Variants in IQGAP2 observed in about 807,000 individuals in gnomAD.
The protein encoded by IQGAP2 is ras GTPase-activating-like protein IQGAP2.
In IQGAP2, 173 loss-of-function variants were observed where a neutral mutation model predicts 201.3. The observed-to-expected ratio is 0.86, with a 90% CI of 0.76 to 0.98. The LOEUF (loss-of-function observed/expected upper bound fraction) is 0.98, where lower values mean the gene tolerates loss of function less well. IQGAP2 is among the 50% of genes least tolerant of loss of function. The pLI is 0.00. For missense variants in IQGAP2, 1,687 were observed against 1,864.8 expected, an observed-to-expected ratio of 0.90 and a Z score of 1.76; for synonymous variants, 675 against 673.9, an observed-to-expected ratio of 1.00 and a Z score of -0.03.
intron 2 of IQGAP2, among the ~76,000 whole-genome samples, chr5:76,555,417 G>A (rs1158791914): frequency 6.6e-6 from 1 of 152,124 alleles, no homozygotes; most frequent in South Asian, 2.1e-4. Flanking sequence ...AGTATTAAGC[G>A]ACCTGTTCCA....
chr5:76,503,798 G>A (rs1425898708), intron 2 of IQGAP2, among the ~76,000 whole-genome samples: 7 of 151,886 alleles, frequency 4.6e-5, no homozygotes, highest in African/African-American at 1.7e-4. Context: ...TCACCATGTT[G>A]GCCAGGCTAG....
intron 2 of IQGAP2, among the ~76,000 whole-genome samples, chr5:76,472,094 AC>A (rs768876654): frequency 6.6e-6 from 1 of 151,638 alleles, no homozygotes; most frequent in African/African-American, 2.4e-5. Context: ...GAGAGCAGGG[AC>A]CCCCTCGCAA....
At chr5:76,665,300 T>A in intron 22 of IQGAP2, 125 bp downstream of exon 22, 1 of 774,762 alleles carries the variant, frequency 1.3e-6, no homozygotes, top group Admixed American at 2.4e-5. Flanking sequence ...ATCTACTAAG[T>A]ACCAAGTGCT....
At chr5:76,572,536 C>A (rs143105858) in intron 4 of IQGAP2, among the ~76,000 whole-genome samples, 131 of 152,016 alleles carry the variant, frequency 8.6e-4, no homozygotes, top group African/African-American at 2.9e-3. Context: ...GTAGGATAAC[C>A]CCCCGAGTTA....
rs146002643 is a variant in IQGAP2 at position 76,595,593 on chromosome 5, T to C, written c.908-1846T>C. ...GGGCAACAAAGAGAGACTCAGTCTT[T>C]ACAAAAAAAATTTAAAAATTAGCCG... On this transcript the variant is annotated intron_variant, in intron 9 of 35. Transcript: ENST00000274364. Among the ~76,000 whole-genome samples the C allele has an allele frequency of 3.8e-3, 576 of 151,712 alleles. 7 individuals are homozygous for C. The highest frequency in any genetic ancestry group is 0.013 in the African/African-American group (539 of 41,338).
chr5:76,590,493 G>C lies in IQGAP2; in HGVS notation c.726G>C (p.Ala242=). Residue 242 remains alanine, a synonymous_variant, in exon 8 of 36, where the codon GCG becomes GCC. Transcript: ENST00000274364. ...TTGTAACACTAAGAAACCCAAATGC[G>C]GTTTTAACTTTAGTGGATGACAACC... ...QTVVTLRNPN[A]VLTLVDDNLA... 1 of 1,613,788 alleles carries C rather than the reference G, an allele frequency of 6.2e-7. No individual in the cohort carries two copies. Among genetic ancestry groups the C allele is most frequent in the Non-Finnish European group, 8.5e-7 (1 of 1,179,822 alleles).
At chr5:76,632,902 G>A (rs1750822880) in intron 15 of IQGAP2, among the ~76,000 whole-genome samples, 1 of 151,972 alleles carries the variant, frequency 6.6e-6, no homozygotes, top group Admixed American at 6.6e-5. Context: ...TTCCAACTTG[G>A]AGATTCCACC....
chr5:76,444,448 A>T (rs865888521), intron 1 of IQGAP2, among the ~76,000 whole-genome samples: 1 of 152,066 alleles, frequency 6.6e-6, no homozygotes, highest in Admixed American at 6.6e-5. Context: ...ACAGGTGCCC[A>T]CTACCACACC....
At chr5:76,609,516 G>A (rs771027412) in intron 12 of IQGAP2, among the ~76,000 whole-genome samples, 1 of 152,146 alleles carries the variant, frequency 6.6e-6, no homozygotes, top group Non-Finnish European at 1.5e-5. Context: ...TCTTAACGAA[G>A]TGGTGGTTAT....
At chr5:76,438,810 G>T (rs1752866694) in intron 1 of IQGAP2, among the ~76,000 whole-genome samples, 1 of 152,112 alleles carries the variant, frequency 6.6e-6, no homozygotes, top group African/African-American at 2.4e-5. Flanking sequence ...TTTAGCAAAT[G>T]ATTTATCAAT....
At chr5:76,533,138 A>G (rs1034881434) in intron 2 of IQGAP2, among the ~76,000 whole-genome samples, 1 of 152,104 alleles carries the variant, frequency 6.6e-6, no homozygotes, top group Non-Finnish European at 1.5e-5. Context: ...CCTAGTTCTT[A>G]GTTATCTCCT....
chr5:76,600,198 C>T (rs1353713867), intron 10 of IQGAP2, among the ~76,000 whole-genome samples: 1 of 152,128 alleles, frequency 6.6e-6, no homozygotes, highest in African/African-American at 2.4e-5. Flanking sequence ...ACAAAAAAAC[C>T]TGGAGAGCTT....
At chr5:76,439,401 T>C (rs1049510105) in intron 1 of IQGAP2, among the ~76,000 whole-genome samples, 2 of 152,208 alleles carry the variant, frequency 1.3e-5, no homozygotes, top group Non-Finnish European at 2.9e-5. Context: ...CTTTGTTGAC[T>C]TTCTGCTTTG....
At chr5:76,523,294 C>T (rs1758796831) in intron 2 of IQGAP2, among the ~76,000 whole-genome samples, 1 of 151,900 alleles carries the variant, frequency 6.6e-6, no homozygotes, top group Non-Finnish European at 1.5e-5. Flanking sequence ...TCTCTCTATG[C>T]TGCTGGGGCT....
At chr5:76,476,429 A>C (rs1236009691) in intron 2 of IQGAP2, among the ~76,000 whole-genome samples, 2 of 152,172 alleles carry the variant, frequency 1.3e-5, no homozygotes, top group Non-Finnish European at 2.9e-5. Flanking sequence ...AATTTGGCAA[A>C]CAACCACCCC....
At chr5:76,675,419 T>C (rs991330822) in intron 27 of IQGAP2, among the ~76,000 whole-genome samples, 2 of 152,244 alleles carry the variant, frequency 1.3e-5, no homozygotes, top group African/African-American at 4.8e-5. Context: ...ATTTTATATT[T>C]GTTGATGATT....
chr5:76,535,610 A>G (rs914576688), intron 2 of IQGAP2, among the ~76,000 whole-genome samples: 7 of 152,198 alleles, frequency 4.6e-5, no homozygotes, highest in African/African-American at 1.7e-4. Flanking sequence ...AAATGGCTTG[A>G]GTCAGTCCCT....
chr5:76,699,842 TCTCA>T (rs1375996623), intron 33 of IQGAP2, among the ~76,000 whole-genome samples: 59 of 61,214 alleles, frequency 9.6e-4, no homozygotes, highest in Non-Finnish European at 1.5e-3. Context: ...TCTCTCTCTC[TCTCA>T]CTCTCGTGCT....
At chr5:76,518,714 C>T (rs1758487616) in intron 2 of IQGAP2, among the ~76,000 whole-genome samples, 1 of 152,142 alleles carries the variant, frequency 6.6e-6, no homozygotes, top group South Asian at 2.1e-4. Flanking sequence ...TTACCAAACA[C>T]TATTGATGGA....
Sources: allele counts gnomAD v4.1 joint callset (sites outside exome capture counted in the v4.1 genomes callset), GRCh38; gene constraint gnomAD v4.1.1; transcripts MANE v1.5; gene names NCBI Gene and HGNC (gene_info 2026-07-23, HGNC 2026-07-21).